Variants in BRME1 observed in about 807,000 individuals in gnomAD.
BRME1 encodes the protein break repair meiotic recombinase recruitment factor 1.
A neutral mutation model predicts 52.6 loss-of-function variants in BRME1; 31 were observed. The ratio of observed to expected loss-of-function variants is 0.59; its 90% confidence interval spans 0.44 to 0.80. The LOEUF (loss-of-function observed/expected upper bound fraction) is 0.80. BRME1 is among the 30% of genes least tolerant of loss of function. The pLI, the probability that BRME1 is intolerant of heterozygous loss-of-function variation, is 0.00. For synonymous variants in BRME1, 359 were observed against 353.6 expected (o/e 1.02, Z -0.17); for missense variants, 804 against 860.3 (o/e 0.93, Z 0.82).
chr19:13,898,647 G>A (rs1218402638), intron 2 of BRME1, among the ~76,000 whole-genome samples: 2 of 152,000 alleles, frequency 1.3e-5, no homozygotes, highest in Admixed American at 6.6e-5. Flanking sequence ...TCCAGGACCA[G>A]GCGCAGTGGT....
intron 4 of BRME1, 29 bp from the exon 5 acceptor site, chr19:13,892,919 C>T: frequency 6.3e-7 from 1 of 1,592,320 alleles, no homozygotes; most frequent in Admixed American, 1.7e-5. Context: ...AACAAAGCAG[C>T]AATAAAGATA....
chr19:13,883,162 G>A lies in BRME1; in HGVS notation c.1856+146C>T. ...TGTGTTCTGCAAAGGACGGGGGAGGGGGGCCACGGTGAGGACCCAGCAGCA... is the reference window on the plus strand; with the variant it reads ...TGTGTTCTGCAAAGGACGGGGGAGGAGGGCCACGGTGAGGACCCAGCAGCA... On this transcript the variant is annotated intron_variant, in intron 8 of 8. Coordinates refer to ENST00000586783, the MANE Select transcript of BRME1 (RefSeq NM_001345843.2). This position sits in a 1 kb window ranked among gnomAD's most constrained non-coding sequence, Gnocchi z 4.2. 1.0e-6 allele frequency: 1 copy of A among 964,342 alleles called. No homozygotes were observed. Among genetic ancestry groups the A allele is most frequent in the South Asian group, 1.6e-5 (1 of 62,284 alleles). 59.7% of individuals were successfully genotyped at this position (964,342 alleles called of 1,614,324 possible). A position where few individuals can be genotyped will look rare whatever the true frequency, so the allele number is the denominator to read the frequency against.
Position 13,892,846 on chromosome 19 carries a change from C to A in BRME1, c.333G>T (p.Lys111Asn). The A allele has an allele frequency of 6.2e-7, 1 of 1,614,216 alleles. No individual in the cohort carries two copies. Among genetic ancestry groups the A allele is most frequent in the Non-Finnish European group, 8.5e-7 (1 of 1,180,010 alleles). ...RFVPQFAKSR[K>N]TVTRKEEMKD... ...TCATCTCTTCTTTTCTTGTCACTGT[C>A]TTCCTGGATTTTGCAAACTGGGGAA... Residue 111 changes from lysine (K) to asparagine (N), a missense_variant, in exon 5 of 9, where the codon AAG becomes AAT. Lys to Asn is a moderately conservative substitution (Grantham distance 94). Around this residue, in one of 3 missense-constraint regions of BRME1, gnomAD observed 234 missense variants for 258.1 expected, o/e 0.91. Transcript: ENST00000586783.
chr19:13,905,038 C>G (rs1276773058), intron 1 of BRME1, 125 bp from the exon 2 acceptor site: 1 of 719,544 alleles, frequency 1.4e-6, no homozygotes, highest in Non-Finnish European at 2.4e-6. Flanking sequence ...CCCCAGGGGT[C>G]AGATGGCTCC....
At position 13,889,270 on chromosome 19, in the gene BRME1, A is replaced by G; in HGVS notation, c.1586T>C (p.Leu529Ser). The change falls in exon 6 of 9, where the codon TTA becomes TCA. Residue 529 changes from leucine (L) to serine (S), a missense_variant. Around this residue, in one of 3 missense-constraint regions of BRME1, gnomAD observed 552 missense variants for 561.1 expected, o/e 0.98. Coordinates refer to ENST00000586783, the MANE Select transcript of BRME1 (RefSeq NM_001345843.2). ...SADQGTWADS[L>S]AVELDFLLDS... ...CAGCAGGAAGTCGAGTTCCACAGCT[A>G]AAGAGTCTGCCCAGGTGCCCTGGTC... 1 of 1,614,002 alleles carries G rather than the reference A, an allele frequency of 6.2e-7. No individual in the cohort carries two copies. Among genetic ancestry groups the G allele is most frequent in the South Asian group, 1.1e-5 (1 of 91,088 alleles).
At chr19:13,904,414 T>C (rs929103886) in intron 2 of BRME1, among the ~76,000 whole-genome samples, 1 of 150,888 alleles carries the variant, frequency 6.6e-6, no homozygotes, top group Admixed American at 6.6e-5. Context: ...CCTTCTATTT[T>C]TCTTACCAGC....
At chr19:13,886,137 G>T in intron 6 of BRME1, 82 bp from the exon 7 acceptor site, 2 of 1,215,134 alleles carry the variant, frequency 1.6e-6, no homozygotes, top group Non-Finnish European at 2.4e-6. Flanking sequence ...TCACGCTGAT[G>T]CTTTTGGCTT....
intron 5 of BRME1, 24 bp downstream of exon 5, chr19:13,892,762 G>C: frequency 6.3e-7 from 1 of 1,597,760 alleles, no homozygotes; most frequent in African/African-American, 1.3e-5. Flanking sequence ...GCTGGGCTCA[G>C]CCTGGCTGAT....
chr19:13,883,171 G>A lies in BRME1; in HGVS notation c.1856+137C>T, dbSNP rs1968763186. 1 of 967,614 alleles carries A rather than the reference G, an allele frequency of 1.0e-6. No homozygotes were observed. Among genetic ancestry groups the A allele is most frequent in the African/African-American group, 1.6e-5 (1 of 62,150 alleles). The allele number at this position is 967,614 out of a possible 1,614,324, so 59.9% of individuals were successfully genotyped here. On this transcript the variant is annotated intron_variant, in intron 8 of 8. Transcript: ENST00000586783. The surrounding 1 kb of genome is among the most constrained non-coding windows in gnomAD (Gnocchi z 4.2). ...CAAAGGACGGGGGAGGGGGGCCACGGTGAGGACCCAGCAGCAGTGAGGTGC... is the reference window on the plus strand; with the variant it reads ...CAAAGGACGGGGGAGGGGGGCCACGATGAGGACCCAGCAGCAGTGAGGTGC...
rs1316312765 is a variant in BRME1, at chr19:13,886,035, C to G, written c.1689G>C (p.Lys563Asn). Residue 563 changes from lysine (K) to asparagine (N), a missense_variant, in exon 7 of 9, where the codon AAG (lysine) becomes AAC (asparagine). Lys to Asn is a moderately conservative substitution (Grantham distance 94). This residue lies in a region of BRME1 where 552 missense variants were observed against 561.1 expected (regional missense o/e 0.98). Coordinates refer to ENST00000586783, the MANE Select transcript of BRME1 (RefSeq NM_001345843.2). ...TGGGGCCCGGCCAGCAAGGGCCCGG[C>G]TTGTTCCCCGAAGGAAAGAGCTGGA... ...PPEQLFPSGNKPGPCWPGPSS... is the reference protein window; with the variant it reads ...PPEQLFPSGNNPGPCWPGPSS... 1 of 1,613,882 alleles carries G rather than the reference C, an allele frequency of 6.2e-7. No homozygotes were observed. Among genetic ancestry groups the G allele is most frequent in the East Asian group, 2.2e-5 (1 of 44,894 alleles).
chr19:13,902,050 A>G (rs1244714775), intron 2 of BRME1, among the ~76,000 whole-genome samples: 1 of 130,752 alleles, frequency 7.6e-6, no homozygotes, highest in Non-Finnish European at 1.8e-5. Flanking sequence ...CGAAAAAAAG[A>G]AAAAAAAAAA....
chr19:13,892,886 G>T lies in BRME1; in HGVS notation c.293C>A (p.Ser98Ter), dbSNP rs746435986. Residue 98 changes from serine to a stop codon, truncating the protein, a stop_gained, in exon 5 of 9, where the codon TCA becomes TAA. Coordinates refer to ENST00000586783, the MANE Select transcript of BRME1 (RefSeq NM_001345843.2). LOFTEE classifies it high-confidence loss of function. ...AAACTGGGGAACAAACCTCCCGAATGAGTTCTGTAAACCGGATACAAGAAC... is the reference window on the plus strand; with the variant it reads ...AAACTGGGGAACAAACCTCCCGAATTAGTTCTGTAAACCGGATACAAGAAC... Reference protein sequence around the residue: ...EPAPLPPSQNSFGRFVPQFAK... With the variant: ...EPAPLPPSQN 45 of 1,612,790 alleles carry T rather than the reference G, an allele frequency of 2.8e-5. No homozygotes were observed. The South Asian group carries it at 4.2e-4, about 15-fold the overall frequency.
chr19:13,902,770 C>T (rs899257387), intron 2 of BRME1, among the ~76,000 whole-genome samples: 1 of 149,774 alleles, frequency 6.7e-6, no homozygotes, highest in Non-Finnish European at 1.5e-5. Context: ...TAAAAAAATA[C>T]AAAAATTAGC....
chr19:13,893,077 C>T, intron 4 of BRME1, 65 bp downstream of exon 4: 4 of 1,483,780 alleles, frequency 2.7e-6, no homozygotes, highest in East Asian at 4.8e-5. Flanking sequence ...AAGGGAGACA[C>T]AGAGCCGGAA....
chr19:13,897,283 C>T (rs8108724), intron 2 of BRME1, among the ~76,000 whole-genome samples: 3 of 148,942 alleles, frequency 2.0e-5, no homozygotes, highest in African/African-American at 4.9e-5. Flanking sequence ...ATGATCCGCC[C>T]GCCTCGGCCT....
Position 13,906,037 on chromosome 19 carries a change from C to G in BRME1, c.-344G>C, listed in dbSNP as rs369456864. 6.1e-6 allele frequency: 1 copy of G among 163,648 alleles called. No individual in the cohort carries two copies. Among genetic ancestry groups the G allele is most frequent in the African/African-American group, 2.4e-5 (1 of 41,876 alleles). The allele number at this position is 163,648 out of a possible 1,614,324, so 10.1% of individuals were successfully genotyped here. ...TGACTGACAGACGCTCTGAACCCCACAGATGTCGCCGCCCCTCACACCTGC... is the reference window on the plus strand; with the variant it reads ...TGACTGACAGACGCTCTGAACCCCAGAGATGTCGCCGCCCCTCACACCTGC... On this transcript the variant is annotated 5_prime_UTR_variant, in exon 1 of 9. Coordinates refer to ENST00000586783, the MANE Select transcript of BRME1 (RefSeq NM_001345843.2). The surrounding 1 kb of genome is among the most constrained non-coding windows in gnomAD (Gnocchi z 4.1).
chr19:13,901,233 T>A (rs898290884), intron 2 of BRME1, among the ~76,000 whole-genome samples: 9 of 151,960 alleles, frequency 5.9e-5, no homozygotes, highest in African/African-American at 1.7e-4. Context: ...CACCTCGGCC[T>A]CCCAAGTAGC....
At chr19:13,897,867 AC>A (rs1315048381) in intron 2 of BRME1, among the ~76,000 whole-genome samples, 2 of 152,086 alleles carry the variant, frequency 1.3e-5, no homozygotes, top group South Asian at 2.1e-4. Flanking sequence ...TCTCAAAAAA[AC>A]ATTTAAATTA....
chr19:13,890,815 C>T (rs578216134), intron 5 of BRME1, among the ~76,000 whole-genome samples: 8 of 151,952 alleles, frequency 5.3e-5, no homozygotes, highest in African/African-American at 1.7e-4. Flanking sequence ...TGCAGTGAGC[C>T]GAGATAGGAC....
Sources: gnomAD v4.1 joint callset for allele counts (sites outside exome capture counted in the v4.1 genomes callset) on GRCh38, gnomAD v4.1.1 for gene constraint, gnomAD v4.1.1 regional missense constraint, Gnocchi (gnomAD v3.1) non-coding constraint, MANE v1.5 for transcripts, NCBI Gene and HGNC (gene_info 2026-07-23, HGNC 2026-07-21) for gene names.